The following PLBD1 variants were observed in gnomAD, a reference collection of about 807,000 sequenced individuals.
PLBD1 encodes lysosomal leucine aminopeptidase.
Under a neutral mutation model 63.0 loss-of-function variants are expected in PLBD1, and 60 were observed. The observed-to-expected ratio is 0.95, with a 90% CI of 0.77 to 1.18. PLBD1 has a LOEUF of 1.18. PLBD1 is among the 50% of genes most tolerant of loss of function. The probability of loss-of-function intolerance (pLI) is 0.00; values close to 1 mark genes in which losing one functional copy is unlikely to be tolerated. For synonymous variants in PLBD1, 262 were observed against 248.0 expected, an observed-to-expected ratio of 1.06 and a Z score of -0.53; for missense variants, 598 against 677.9, an observed-to-expected ratio of 0.88 and a Z score of 1.31.
At chr12:14,565,422 C>T (rs577323097) in intron 1 of PLBD1, among the ~76,000 whole-genome samples, 97 of 150,024 alleles carry the variant, frequency 6.5e-4, no homozygotes, top group African/African-American at 2.3e-3. Flanking sequence ...GCCGAGATCA[C>T]GCCACTGTAC....
chr12:14,531,106 G>C (rs763166331), intron 6 of PLBD1: 14 of 152,220 alleles, frequency 9.2e-5, no homozygotes, highest in Non-Finnish European at 1.8e-4. Context: ...GTACATGTGA[G>C]ATATGATGAT....
At chr12:14,535,032 T>C (rs1945501541) in intron 6 of PLBD1, among the ~76,000 whole-genome samples, 2 of 152,154 alleles carry the variant, frequency 1.3e-5, no homozygotes, top group Non-Finnish European at 2.9e-5. Context: ...AAGGTTGTCC[T>C]CTCTTTCCCC....
chr12:14,546,885 T>C (rs1945620696), intron 2 of PLBD1, among the ~76,000 whole-genome samples: 1 of 152,072 alleles, frequency 6.6e-6, no homozygotes, highest in Non-Finnish European at 1.5e-5. Flanking sequence ...TTTTTTTTCT[T>C]TTTTCTTTTT....
chr12:14,512,324 T>A (rs1053868377), intron 6 of PLBD1, among the ~76,000 whole-genome samples: 2 of 151,936 alleles, frequency 1.3e-5, no homozygotes, highest in African/African-American at 2.4e-5. Context: ...AATTTTTGTA[T>A]TTTTAGTAGA....
rs1945228004 is a variant in PLBD1, at chr12:14,504,031, T to G, written c.1480-77A>C. 4 of 1,339,150 alleles carry G rather than the reference T, an allele frequency of 3.0e-6. No individual in the cohort carries two copies. The African/African-American group carries it at 5.9e-5, about 20-fold the overall frequency. The allele number at this position is 1,339,150 out of a possible 1,614,324, so 83.0% of individuals were successfully genotyped here. A position where few individuals can be genotyped will look rare whatever the true frequency, so the allele number is the denominator to read the frequency against. On this transcript the variant is annotated intron_variant, in intron 10 of 10. Transcript: ENST00000240617. The stretch of plus-strand genomic sequence containing the variant: ...ATTAAATCCATGGCCTTCCCCACTC[T>G]CCCACTACCAAAGTCACAATATTAG...
At chr12:14,551,548 G>T (rs1232932281) in intron 2 of PLBD1, among the ~76,000 whole-genome samples, 1 of 152,106 alleles carries the variant, frequency 6.6e-6, no homozygotes, top group African/African-American at 2.4e-5. Context: ...AGATGTTAAA[G>T]CTTATTTTTT....
intron 6 of PLBD1, among the ~76,000 whole-genome samples, chr12:14,514,408 T>C (rs1319080453): frequency 6.6e-6 from 1 of 152,228 alleles, no homozygotes; most frequent in Non-Finnish European, 1.5e-5. Flanking sequence ...AATTCAATAC[T>C]TGCTGTAGCA....
At chr12:14,539,613 T>G (rs1014014832) in intron 4 of PLBD1, among the ~76,000 whole-genome samples, 2 of 151,508 alleles carry the variant, frequency 1.3e-5, no homozygotes, top group Admixed American at 1.3e-4. Context: ...TGGTAAAACC[T>G]CATCTCTACT....
intron 6 of PLBD1, among the ~76,000 whole-genome samples, chr12:14,513,508 A>G (rs1945315027): frequency 1.3e-5 from 2 of 152,212 alleles, no homozygotes; most frequent in African/African-American, 4.8e-5. Flanking sequence ...CTAGCCTAGT[A>G]TGGAATAAGT....
intron 1 of PLBD1, among the ~76,000 whole-genome samples, chr12:14,564,770 A>AC (rs892976472): frequency 3.3e-5 from 5 of 152,172 alleles, no homozygotes; most frequent in African/African-American, 1.2e-4. Flanking sequence ...AACCAGTTTT[A>AC]CCAATATACA....
intron 4 of PLBD1, 63 bp downstream of exon 4, chr12:14,540,701 A>C: frequency 7.1e-7 from 1 of 1,411,836 alleles, no homozygotes; most frequent in Non-Finnish European, 9.4e-7. Context: ...TGTTATTTTA[A>C]AGATAACATT....
rs755274209 is a variant in PLBD1 at position 14,511,343 on chromosome 12, C to A, written c.1103G>T (p.Ser368Ile). ...AATGTACAGAGTGCCTTTGTCAAGA[C>A]TGTGGTTCAGCTTTACTTTCTTCAG... ...LDLKKVKLNH[S>I]LDKGTLYIVE... Residue 368 changes from serine to isoleucine, a missense_variant, in exon 8 of 11, where the codon AGT becomes ATT. Physicochemically the swap from Ser to Ile is moderately radical, Grantham distance 142 (BLOSUM62 -2). Transcript: ENST00000240617. 6.2e-7 allele frequency: 1 copy of A among 1,613,332 alleles called. No individual in the cohort carries two copies. The highest frequency in any genetic ancestry group is 8.5e-7 in the Non-Finnish European group (1 of 1,179,520).
chr12:14,555,589 TC>T (rs1945696496), intron 1 of PLBD1, among the ~76,000 whole-genome samples: 1 of 152,144 alleles, frequency 6.6e-6, no homozygotes. Context: ...CACTTGGCCT[TC>T]GTGACCTGGT....
At chr12:14,551,579 G>C (rs562524787) in intron 2 of PLBD1, among the ~76,000 whole-genome samples, 2 of 152,266 alleles carry the variant, frequency 1.3e-5, no homozygotes, top group East Asian at 3.9e-4. Context: ...AAGAATATCA[G>C]AGGTGCCACC....
intron 1 of PLBD1, among the ~76,000 whole-genome samples, chr12:14,555,736 T>C (rs548877664): frequency 3.3e-5 from 5 of 152,334 alleles, no homozygotes; most frequent in Admixed American, 1.3e-4. Flanking sequence ...TTCTGCCTGA[T>C]GTTTTCCCTC....
intron 1 of PLBD1, among the ~76,000 whole-genome samples, chr12:14,562,442 A>G (rs1945748036): frequency 7.8e-6 from 1 of 127,530 alleles, no homozygotes; most frequent in Non-Finnish European, 1.6e-5. Context: ...CCTGAGTGAC[A>G]GAGTGAGACT....
chr12:14,539,239 C>T (rs1325898461), intron 4 of PLBD1, among the ~76,000 whole-genome samples: 1 of 151,832 alleles, frequency 6.6e-6, no homozygotes, highest in South Asian at 2.1e-4. Context: ...GTATACATAC[C>T]ATTTAAGGAA....
At chr12:14,505,106 CTTTT>C (rs57466061) in intron 10 of PLBD1, among the ~76,000 whole-genome samples, 4 of 140,542 alleles carry the variant, frequency 2.8e-5, no homozygotes, top group Admixed American at 7.0e-5. Context: ...CTACGTCTAC[CTTTT>C]TTTTTTTTTT....
chr12:14,530,924 C>G (rs2136916742), intron 6 of PLBD1: 1 of 152,316 alleles, frequency 6.6e-6, no homozygotes. Context: ...TTGTTAGGGA[C>G]AGAAACTCCT....
Sources: allele counts gnomAD v4.1 joint callset (sites outside exome capture counted in the v4.1 genomes callset), GRCh38; gene constraint gnomAD v4.1.1; transcripts MANE v1.5; gene names NCBI Gene and HGNC (gene_info 2026-07-23, HGNC 2026-07-21).